Variants in THOC2 observed in about 807,000 individuals in gnomAD.
The protein encoded by THOC2 is THO complex subunit 2.
THOC2 carries 10 observed loss-of-function variants against 128.4 expected under a neutral mutation model. That is an observed-to-expected ratio of 0.08 (90% CI 0.05 to 0.13). The LOEUF is 0.13. Among genes scored for constraint, THOC2 ranks in the 10% least tolerant of loss-of-function variants. The pLI is 1.00. For missense variants in THOC2, 535 were observed against 1,155.7 expected, an observed-to-expected ratio of 0.46 and a Z score of 7.79; for synonymous variants, 393 against 396.9, an observed-to-expected ratio of 0.99 and a Z score of 0.12.
chrX:123,665,864 TAAAC>T (rs1196629328), intron 11 of THOC2, 27 bp from the exon 12 acceptor site: 3 of 855,820 alleles, frequency 3.5e-6, no homozygotes, highest in Non-Finnish European at 4.7e-6. Flanking sequence ...AATAAATAAA[TAAAC>T]AAATAAATAA....
At position 123,601,164 on chromosome X, in the gene THOC2, G is replaced by A. The variant is rs2046259228; in HGVS notation, c.*193C>T. Reference sequence around the variant, plus strand: ...TAAACATGTAGAAACTAAGCAACAAGTTAAAATACAGTAATGCACAACTTA... The same window carrying A: ...TAAACATGTAGAAACTAAGCAACAAATTAAAATACAGTAATGCACAACTTA... On this transcript the variant is annotated 3_prime_UTR_variant, in exon 39 of 39. Transcript: ENST00000245838. 8.9e-6 allele frequency: 1 copy of A among 112,265 alleles called. No individual in the cohort carries two copies. 9.3% of individuals were successfully genotyped at this position (112,265 alleles called of 1,213,427 possible).
rs1023233884 is a variant in THOC2 at position 123,608,621 on chromosome X, G to T, written c.*18+2297C>A. Among the ~76,000 whole-genome samples, 3 of 110,511 alleles carry T rather than the reference G, an allele frequency of 2.7e-5. No individual in the cohort carries two copies. The East Asian group carries it at 8.5e-4, about 31-fold the overall frequency. ...TGCCTGTAATCCCAGCTACTCAGGAGGATGAGGCAGGAGAATCTCTTGAAG... is the reference window on the plus strand; with the variant it reads ...TGCCTGTAATCCCAGCTACTCAGGATGATGAGGCAGGAGAATCTCTTGAAG... On this transcript the variant is annotated intron_variant, in intron 38 of 38. Coordinates refer to ENST00000245838, the MANE Select transcript of THOC2 (RefSeq NM_001081550.2).
intron 15 of THOC2, among the ~76,000 whole-genome samples, chrX:123,643,670 T>C (rs919833817): frequency 9.1e-6 from 1 of 109,396 alleles, no homozygotes; most frequent in Non-Finnish European, 1.9e-5. Context: ...TAGCACTTTA[T>C]TCATACTGTA....
rs201796672 is a variant in THOC2 at position 123,723,189 on chromosome X, C to CA, written c.71+9762dup. Among the ~76,000 whole-genome samples, 1,044 of 107,737 alleles carry CA rather than the reference C, an allele frequency of 9.7e-3. 8 individuals are homozygous for CA. Among genetic ancestry groups the CA allele is most frequent in the African/African-American group, 0.032 (941 of 29,569 alleles). 93.6% of individuals were successfully genotyped at this position (107,737 alleles called of 115,157 possible). Reference sequence around the variant, plus strand: ...AGAGCAAGACTCTGTCTCAAACAAACAAAAAAAAAGAAGTACTCCAAATGA... The same window carrying CA: ...AGAGCAAGACTCTGTCTCAAACAAACAAAAAAAAAAGAAGTACTCCAAATGA... On this transcript the variant is annotated intron_variant, in intron 1 of 38. Coordinates refer to ENST00000245838, the MANE Select transcript of THOC2 (RefSeq NM_001081550.2).
At chrX:123,618,753 T>G (rs1339878010) in intron 33 of THOC2, among the ~76,000 whole-genome samples, 1 of 111,631 alleles carries the variant, frequency 9.0e-6, no homozygotes, top group Admixed American at 9.5e-5. Flanking sequence ...ATACACAAAC[T>G]GCACACTACT....
chrX:123,654,793 A>G (rs1179026368), intron 12 of THOC2, among the ~76,000 whole-genome samples: 1 of 106,651 alleles, frequency 9.4e-6, no homozygotes, highest in Non-Finnish European at 1.9e-5. Context: ...AAGTTTGAAT[A>G]AAACTAGCCA....
chrX:123,633,981 A>T lies in THOC2; in HGVS notation c.2108T>A (p.Met703Lys). The T allele has an allele frequency of 8.3e-7, 1 of 1,201,714 alleles. No individual in the cohort carries two copies. The highest frequency in any genetic ancestry group is 1.1e-6 in the Non-Finnish European group (1 of 888,148). ...AGCTTTTAGCTGCTCTCCACCAGTC[A>T]TAGCCTCTAGTTGCTCCATTGTCAT... ...EEMTMEQLEA[M>K]TGGEQLKAEG... is the part of the protein sequence containing the mutation. Residue 703 changes from methionine to lysine, a missense_variant, in exon 20 of 39, where the codon ATG becomes AAG. Coordinates refer to ENST00000245838, the MANE Select transcript of THOC2 (RefSeq NM_001081550.2).
intron 8 of THOC2, among the ~76,000 whole-genome samples, chrX:123,677,530 AAT>A (rs199864095): frequency 2.7e-5 from 3 of 111,819 alleles, no homozygotes; most frequent in East Asian, 5.6e-4. Context: ...GCTGTACAAA[AAT>A]ATGTTTTCTT....
chrX:123,686,629 T>C lies in THOC2; in HGVS notation c.687A>G (p.Ile229Met). The change falls in exon 8 of 39, where the codon ATA becomes ATG. Residue 229 changes from isoleucine (I) to methionine (M), a missense_variant. Around this residue, in one of 9 missense-constraint regions of THOC2, gnomAD observed 197 missense variants for 313.4 expected, o/e 0.63. Transcript: ENST00000245838. Reference sequence around the variant, plus strand: ...TACTCATGTAAGATTCTAACAAAGATATAAAGAAGTCATCGTGTTCTGGCC... The same window carrying C: ...TACTCATGTAAGATTCTAACAAAGACATAAAGAAGTCATCGTGTTCTGGCC... ...ECRPEHDDFF[I>M]SLLESYMSMC... 1 of 1,206,935 alleles carries C rather than the reference T, an allele frequency of 8.3e-7. No homozygotes were observed. The highest frequency in any genetic ancestry group is 3.0e-5 in the East Asian group (1 of 33,793).
chrX:123,686,474 A>T, intron 8 of THOC2, 74 bp downstream of exon 8: 1 of 876,915 alleles, frequency 1.1e-6, no homozygotes, highest in Non-Finnish European at 1.6e-6. Context: ...ATTTACAAAT[A>T]AAACAAATTA....
chrX:123,642,062 G>A (rs1238398098), intron 15 of THOC2, among the ~76,000 whole-genome samples: 1 of 112,250 alleles, frequency 8.9e-6, no homozygotes, highest in East Asian at 2.8e-4. Flanking sequence ...TACGATGACA[G>A]TCAAAGTACT....
At chrX:123,639,708 C>T (rs1420608978) in intron 16 of THOC2, among the ~76,000 whole-genome samples, 1 of 111,564 alleles carries the variant, frequency 9.0e-6, no homozygotes, top group Non-Finnish European at 1.9e-5. Context: ...GGGTACTATG[C>T]TCACTATTTG....
chrX:123,711,605 G>A (rs2147950788), intron 2 of THOC2, among the ~76,000 whole-genome samples: 2 of 110,596 alleles, frequency 1.8e-5, no homozygotes, highest in East Asian at 5.7e-4. Context: ...CCAACATGGT[G>A]AAACCCCGTC....
chrX:123,688,320 T>C (rs2050088848), intron 7 of THOC2, among the ~76,000 whole-genome samples: 1 of 112,114 alleles, frequency 8.9e-6, no homozygotes, highest in Non-Finnish European at 1.9e-5. Flanking sequence ...CAGGTAACAG[T>C]ATGAAAGAAT....
At chrX:123,699,481 T>G (rs2050602169) in intron 4 of THOC2, among the ~76,000 whole-genome samples, 1 of 111,926 alleles carries the variant, frequency 8.9e-6, no homozygotes, top group Non-Finnish European at 1.9e-5. Context: ...ATCTCACCAA[T>G]CCTTTTCAGG....
At chrX:123,654,072 G>A (rs1206656781) in intron 12 of THOC2, among the ~76,000 whole-genome samples, 1 of 111,526 alleles carries the variant, frequency 9.0e-6, no homozygotes, top group Non-Finnish European at 1.9e-5. Context: ...ATACTATGCG[G>A]CCACAAAAAT....
At position 123,613,324 on chromosome X, in the gene THOC2, A is replaced by G. The variant is rs2046772623; in HGVS notation, c.4677+75T>C. On this transcript the variant is annotated intron_variant, in intron 36 of 38. Coordinates refer to ENST00000245838, the MANE Select transcript of THOC2 (RefSeq NM_001081550.2). ...AAAAGACTATAGGACTAGGAAAAAA[A>G]TTCAATATTTGCTAAATTTTCAGGA... is the stretch of plus-strand genomic sequence containing the variant. The G allele has an allele frequency of 5.7e-6, 6 of 1,059,966 alleles. No homozygotes were observed. The Admixed American group carries it at 1.6e-4, about 28-fold the overall frequency. 87.4% of individuals were successfully genotyped at this position (1,059,966 alleles called of 1,213,427 possible).
chrX:123,681,919 C>T (rs1277200498), intron 8 of THOC2, among the ~76,000 whole-genome samples: 1 of 111,626 alleles, frequency 9.0e-6, no homozygotes, highest in Non-Finnish European at 1.9e-5. Flanking sequence ...ATTAGACAGG[C>T]GTGGTGGCAG....
At chrX:123,666,351 T>C (rs771700407) in intron 11 of THOC2, among the ~76,000 whole-genome samples, 3 of 111,379 alleles carry the variant, frequency 2.7e-5, no homozygotes, top group Admixed American at 9.5e-5. Context: ...AGCCATGTAA[T>C]AAAAGAAGGT....
Sources: gnomAD v4.1 joint callset for allele counts (sites outside exome capture counted in the v4.1 genomes callset) on GRCh38, gnomAD v4.1.1 for gene constraint, gnomAD v4.1.1 regional missense constraint, MANE v1.5 for transcripts, NCBI Gene and HGNC (gene_info 2026-07-23, HGNC 2026-07-21) for gene names.